ATM: variants seen among roughly 807,000 people sequenced by gnomAD.
ATM encodes the protein serine-protein kinase ATM.
Under a neutral mutation model 387.0 loss-of-function variants are expected in ATM, and 308 were observed. That is an observed-to-expected ratio of 0.80 (90% confidence interval 0.73 to 0.87). ATM has a LOEUF of 0.87. Among genes scored for constraint, ATM ranks in the 40% least tolerant of loss-of-function variants. The pLI, the probability that ATM is intolerant of heterozygous loss-of-function variation, is 0.00. For missense variants in ATM, 3,312 were observed against 3,560.9 expected (o/e 0.93, Z 1.78); for synonymous variants, 1,156 against 1,187.3 (o/e 0.97, Z 0.54).
chr11:108,354,070 A>AACACACACACACAC (rs71047689), intron 60 of ATM, among the ~76,000 whole-genome samples, 190 bp downstream of exon 60: 106 of 114,868 alleles, frequency 9.2e-4, no homozygotes, highest in African/African-American at 2.9e-3. Flanking sequence ...CACACACACA[A>AACACACACACACAC]ACACACACAC....
chr11:108,268,640 A>AT, intron 18 of ATM, 31 bp downstream of exon 18: 1 of 1,596,942 alleles, frequency 6.3e-7, no homozygotes, highest in Non-Finnish European at 8.6e-7. Context: ...AAGCTCTTGG[A>AT]TTTTATCTGA....
At chr11:108,239,516 A>G (rs988636097) in intron 5 of ATM, among the ~76,000 whole-genome samples, 1 of 152,196 alleles carries the variant, frequency 6.6e-6, no homozygotes, top group Non-Finnish European at 1.5e-5. Flanking sequence ...TGTTCTGTGT[A>G]TATGCCACAT....
chr11:108,254,160 A>G (rs2080327332), intron 13 of ATM, 121 bp downstream of exon 13: 2 of 906,076 alleles, frequency 2.2e-6, no homozygotes, highest in African/African-American at 1.7e-5. Context: ...TTTAAAAGCA[A>G]AGTGGCAGTA....
chr11:108,267,136 G>A (rs1565415716), intron 16 of ATM, 35 bp from the exon 17 acceptor site: 2 of 1,608,988 alleles, frequency 1.2e-6, no homozygotes, highest in South Asian at 1.1e-5. Flanking sequence ...CCTGCAAGAA[G>A]CCATCTTGAA....
At chr11:108,338,329 G>A (rs1042832521) in intron 56 of ATM, among the ~76,000 whole-genome samples, 3 of 152,166 alleles carry the variant, frequency 2.0e-5, no homozygotes, top group African/African-American at 7.2e-5. Flanking sequence ...TCCAGCCTGG[G>A]TGACAGACCG....
At chr11:108,334,535 GTCTT>G (rs71539641) in intron 54 of ATM, among the ~76,000 whole-genome samples, 3,735 of 152,208 alleles carry the variant, frequency 0.025, 57 homozygotes, top group Non-Finnish European at 0.038. Flanking sequence ...TAAATACATT[GTCTT>G]TCTTTTCATT....
At chr11:108,262,921 C>G (rs1308277377) in intron 16 of ATM, among the ~76,000 whole-genome samples, 1 of 150,584 alleles carries the variant, frequency 6.6e-6, no homozygotes, top group African/African-American at 2.4e-5. Context: ...ATCAATTCAA[C>G]AAGAAGAGCT....
rs200786429 is a variant in ATM, at chr11:108,272,627, T to A, written c.3153+20T>A. On this transcript the variant is annotated intron_variant, in intron 21 of 62. Transcript: ENST00000675843. ...CTTGAGGTGAGTTTTTGCATTTTTT[T>A]AGTAAGATCTCCATTGAAAATTTTA... 3.7e-6 allele frequency: 6 copies of A among 1,613,096 alleles called. No individual in the cohort carries two copies. Among genetic ancestry groups the A allele is most frequent in the South Asian group, 2.2e-5 (2 of 91,056 alleles).
chr11:108,254,316 G>A (rs1376190408), intron 13 of ATM, among the ~76,000 whole-genome samples: 1 of 151,942 alleles, frequency 6.6e-6, no homozygotes, highest in Non-Finnish European at 1.5e-5. Flanking sequence ...TTGAGCATAG[G>A]GATTATATGA....
intron 38 of ATM, chr11:108,309,210 CA>C: frequency 1.7e-5 from 9 of 530,250 alleles, no homozygotes; most frequent in Admixed American, 3.1e-5. Flanking sequence ...ACAACAACAA[CA>C]AAAAAATTGC....
intron 61 of ATM, among the ~76,000 whole-genome samples, chr11:108,362,560 CAAT>C (rs541090027): frequency 0.011 from 1,676 of 149,436 alleles, 26 homozygotes; most frequent in African/African-American, 0.039. Flanking sequence ...AAATGTCCAA[CAAT>C]GATAGACTGG....
In ATM at chr11:108,331,996, A is replaced by G. The variant is rs1339565904; in HGVS notation, c.7747A>G (p.Ile2583Val). 3 of 1,614,102 alleles carry G rather than the reference A, an allele frequency of 1.9e-6. No homozygotes were observed. The highest frequency in any genetic ancestry group is 2.2e-5 in the East Asian group (1 of 44,850). ...TKPEVARRSR[I>V]TKNVPKQSSQ... ...ACCAGAGGTAGCCAGAAGAAGCAGA[A>G]TAACTAAAAATGTGCCTAAACAAAG... The change falls in exon 52 of 63, where the codon ATA becomes GTA. Residue 2583 changes from isoleucine (I) to valine (V), a missense_variant. This residue lies in a region of ATM where 1,405 missense variants were observed against 1,604.4 expected (regional missense o/e 0.88). Transcript: ENST00000675843.
At chr11:108,301,826 A>G (rs1258972607) in intron 35 of ATM, 37 bp downstream of exon 35, 2 of 1,606,186 alleles carry the variant, frequency 1.2e-6, no homozygotes, top group Admixed American at 1.7e-5. Context: ...AATACCCAGC[A>G]TATCTAAAAC....
intron 59 of ATM, among the ~76,000 whole-genome samples, chr11:108,351,794 G>C (rs2089233479): frequency 6.6e-6 from 1 of 152,070 alleles, no homozygotes; most frequent in Non-Finnish European, 1.5e-5. Flanking sequence ...CCTGTTTCTG[G>C]GACTCCAGTA....
intron 1 of ATM, 193 bp from the exon 2 acceptor site, chr11:108,227,402 C>A (rs890010215): frequency 4.0e-6 from 2 of 502,910 alleles, no homozygotes; most frequent in Non-Finnish European, 7.0e-6. Context: ...TTAAGAAAAT[C>A]TCATTTTAAA....
chr11:108,240,236 G>A (rs2079488303), intron 5 of ATM, among the ~76,000 whole-genome samples: 1 of 152,030 alleles, frequency 6.6e-6, no homozygotes, highest in Non-Finnish European at 1.5e-5. Flanking sequence ...CTCTGGGAGA[G>A]AATGGTAACA....
intron 50 of ATM, chr11:108,331,080 T>TG: frequency 1.3e-6 from 1 of 795,308 alleles, no homozygotes; most frequent in Non-Finnish European, 1.6e-6. Flanking sequence ...TTTTGGCCTA[T>TG]GGGGAAAAGC....
chr11:108,253,830 G>C lies in ATM; in HGVS notation c.1915G>C (p.Asp639His), dbSNP rs1591533828. The C allele has an allele frequency of 2.5e-6, 4 of 1,613,518 alleles. No homozygotes were observed. The highest frequency in any genetic ancestry group is 3.4e-6 in the Non-Finnish European group (4 of 1,179,838). The change falls in exon 13 of 63, where the codon GAT (aspartate) becomes CAT (histidine). Residue 639 changes from aspartate (D) to histidine (H), a missense_variant. By Grantham distance (81) the Asp-to-His change is moderately conservative (BLOSUM62 -1). This residue lies in a region of ATM where 1,791 missense variants were observed against 1,804.5 expected (regional missense o/e 0.99). Coordinates refer to ENST00000675843, the MANE Select transcript of ATM (RefSeq NM_000051.4). The stretch of plus-strand genomic sequence containing the variant: ...TTCTTGAAGTGAACACCACCAAAAA[G>C]ATAAAGAAGAACTTTCATTCTCAGA... ...SVPECEHHQK[D>H]KEELSFSEVE... is the part of the protein sequence containing the mutation.
At chr11:108,270,174 C>T (rs986740191) in intron 18 of ATM, among the ~76,000 whole-genome samples, 7 of 152,120 alleles carry the variant, frequency 4.6e-5, no homozygotes, top group East Asian at 1.9e-4. Context: ...TATAACTGGT[C>T]GTTGCAGCAG....
Sources: allele counts gnomAD v4.1 joint callset (sites outside exome capture counted in the v4.1 genomes callset), GRCh38; gene constraint gnomAD v4.1.1; regional missense constraint gnomAD v4.1.1; transcripts MANE v1.5; gene names NCBI Gene and HGNC (gene_info 2026-07-23, HGNC 2026-07-21).